The following TTC6 variants were observed in gnomAD, a reference collection of about 807,000 sequenced individuals.
The protein encoded by TTC6 is tetratricopeptide repeat domain 6, also known as tetratricopeptide repeat protein 6.
In TTC6, 172 loss-of-function variants were observed where a neutral mutation model predicts 210.4. The observed-to-expected ratio is 0.82, with a 90% CI of 0.72 to 0.93. TTC6 has a LOEUF of 0.93. TTC6 is among the 40% of genes least tolerant of loss of function. The probability of loss-of-function intolerance (pLI) is 0.00; values close to 1 mark genes in which losing one functional copy is unlikely to be tolerated. For synonymous variants in TTC6, 804 were observed against 819.6 expected (o/e 0.98, Z 0.32); for missense variants, 2,414 against 2,318.1 (o/e 1.04, Z -0.85).
At chr14:37,606,835 A>G (rs1312456049) in intron 2 of TTC6, 93 bp downstream of exon 2, 2 of 949,374 alleles carry the variant, frequency 2.1e-6, no homozygotes, top group South Asian at 9.7e-5. Flanking sequence ...GAGTACAGCC[A>G]TGAAGGCTCC....
chr14:37,659,879 C>T (rs1008088197), intron 1 of TTC6, among the ~76,000 whole-genome samples: 2 of 152,054 alleles, frequency 1.3e-5, no homozygotes, highest in Non-Finnish European at 1.5e-5. Context: ...TTCATAAGCT[C>T]ATTGGCTGCA....
At chr14:37,599,945 C>T (rs2095612371) in intron 1 of TTC6, among the ~76,000 whole-genome samples, 1 of 152,164 alleles carries the variant, frequency 6.6e-6, no homozygotes, top group African/African-American at 2.4e-5. Flanking sequence ...TGTTGGAGGA[C>T]GTGCTCAGCC....
At chr14:37,809,450 C>T (rs1358691557) in intron 24 of TTC6, among the ~76,000 whole-genome samples, 1 of 152,086 alleles carries the variant, frequency 6.6e-6, no homozygotes, top group Non-Finnish European at 1.5e-5. Flanking sequence ...GACAGGGTTT[C>T]ACCATGTTAG....
intron 3 of TTC6, among the ~76,000 whole-genome samples, chr14:37,693,118 C>T (rs918050157): frequency 6.6e-6 from 1 of 152,018 alleles, no homozygotes; most frequent in Non-Finnish European, 1.5e-5. Flanking sequence ...TTCTTGTTTG[C>T]AGATGGTATG....
intron 6 of TTC6, 143 bp downstream of exon 8, chr14:37,714,939 A>G (rs2095850124): frequency 1.4e-6 from 1 of 735,988 alleles, no homozygotes; most frequent in Non-Finnish European, 2.1e-6. Context: ...GAACTTTGGG[A>G]GGACATGGCG....
intron 3 of TTC6, among the ~76,000 whole-genome samples, chr14:37,692,224 A>AAAAAAAAAAAAG (rs2095805029): frequency 7.0e-6 from 1 of 143,154 alleles, no homozygotes; most frequent in Non-Finnish European, 1.6e-5. Context: ...AAAAAAAAAA[A>AAAAAAAAAAAAG]AAAAAAAAGA....
intron 3 of TTC6, among the ~76,000 whole-genome samples, chr14:37,694,600 G>C (rs532629022): frequency 6.6e-6 from 1 of 152,170 alleles, no homozygotes; most frequent in East Asian, 1.9e-4. Context: ...AAGGAAATCA[G>C]TATGTCAAAG....
At chr14:37,733,236 T>C (rs2095892639) in intron 7 of TTC6, among the ~76,000 whole-genome samples, 1 of 152,216 alleles carries the variant, frequency 6.6e-6, no homozygotes, top group Non-Finnish European at 1.5e-5. Context: ...CCTTAGCTTT[T>C]AAAGTCCAAA....
At chr14:37,684,478 A>G (rs1294407320) in intron 3 of TTC6, among the ~76,000 whole-genome samples, 2 of 152,164 alleles carry the variant, frequency 1.3e-5, no homozygotes, top group African/African-American at 4.8e-5. Flanking sequence ...TGTTTCTAAG[A>G]AGCATTCTAG....
chr14:37,714,814 T>C lies in TTC6; in HGVS notation c.1713+18T>C. The C allele has an allele frequency of 6.5e-7, 1 of 1,528,698 alleles. No homozygotes were observed. The highest frequency in any genetic ancestry group is 8.7e-7 in the Non-Finnish European group (1 of 1,144,050). The allele number at this position is 1,528,698 out of a possible 1,614,324, so 94.7% of individuals were successfully genotyped here. ...GAGAGGAAGTAAGAACTTTCTTTAA[T>C]ATTAGTTTTTTTGTACCTCACAGGT... On this transcript the variant is annotated intron_variant, in intron 6 of 30. Coordinates refer to ENST00000553443, the Ensembl canonical transcript of TTC6.
chr14:37,788,657 T>A (rs2096072986), intron 15 of TTC6, among the ~76,000 whole-genome samples: 1 of 152,138 alleles, frequency 6.6e-6, no homozygotes, highest in South Asian at 2.1e-4. Context: ...GGATTTCCCA[T>A]CTTTGCCCAC....
chr14:37,656,322 C>G (rs1311025892), intron 1 of TTC6, among the ~76,000 whole-genome samples: 2 of 152,124 alleles, frequency 1.3e-5, no homozygotes, highest in Non-Finnish European at 1.5e-5. Flanking sequence ...CTTGAGGATG[C>G]AAAGAATTGT....
intron 10 of TTC6, among the ~76,000 whole-genome samples, chr14:37,744,044 A>G (rs753349978): frequency 2.6e-5 from 4 of 152,196 alleles, no homozygotes; most frequent in Admixed American, 1.3e-4. Flanking sequence ...GATAGCTCCT[A>G]TATTTTCAAT....
intron 17 of TTC6, 66 bp downstream of exon 19, chr14:37,792,480 A>G: frequency 7.9e-7 from 1 of 1,267,494 alleles, no homozygotes; most frequent in Non-Finnish European, 1.0e-6. Context: ...TTTGTTCAAC[A>G]TAATTTTAAT....
intron 7 of TTC6, among the ~76,000 whole-genome samples, chr14:37,733,797 T>C (rs1403814223): frequency 6.6e-6 from 1 of 152,144 alleles, no homozygotes; most frequent in Non-Finnish European, 1.5e-5. Flanking sequence ...TCTATTTCAT[T>C]TTCTGGGACT....
intron 3 of TTC6, among the ~76,000 whole-genome samples, chr14:37,692,222 AAAAAAAAAAAGAAAAAAAG>A (rs1487122163): frequency 3.4e-5 from 5 of 148,008 alleles, no homozygotes; most frequent in African/African-American, 1.2e-4. Flanking sequence ...AAAAAAAAAA[AAAAAAAAAAAGAAAAAAAG>A]AAAAAGAAAA....
At chr14:37,719,344 G>GT (rs1179614169) in intron 6 of TTC6, among the ~76,000 whole-genome samples, 1 of 151,134 alleles carries the variant, frequency 6.6e-6, no homozygotes, top group Non-Finnish European at 1.5e-5. Flanking sequence ...TTTTGTACAT[G>GT]TAAACAAGAG....
chr14:37,683,557 TAG>T (rs558904136), intron 3 of TTC6, among the ~76,000 whole-genome samples: 3 of 151,448 alleles, frequency 2.0e-5, no homozygotes, highest in Admixed American at 1.3e-4. Flanking sequence ...ATAAGATATT[TAG>T]AGAGAGAGAG....
intron 6 of TTC6, among the ~76,000 whole-genome samples, chr14:37,721,847 CATATAT>C (rs35265224): frequency 0.042 from 4,903 of 117,152 alleles, 254 homozygotes; most frequent in African/African-American, 0.13. Context: ...TGAGTTTCAC[CATATAT>C]ATATATATAT....
Sources: allele counts gnomAD v4.1 joint callset (sites outside exome capture counted in the v4.1 genomes callset), GRCh38; gene constraint gnomAD v4.1.1; transcripts MANE v1.5; gene names NCBI Gene and HGNC (gene_info 2026-07-23, HGNC 2026-07-21).